Variants in PDE1A observed in about 807,000 individuals in gnomAD.
The protein encoded by PDE1A is phosphodiesterase 1A, also known as dual specificity calcium/calmodulin-dependent 3',5'-cyclic nucleotide phosphodiesterase 1A.
A neutral mutation model predicts 61.7 loss-of-function variants in PDE1A; 35 were observed. That is an observed-to-expected ratio of 0.57 (90% CI 0.43 to 0.75). The LOEUF (loss-of-function observed/expected upper bound fraction) is 0.75, where lower values mean the gene tolerates loss of function less well. Ranked by LOEUF, PDE1A falls within the 30% of genes least tolerant of loss-of-function variation. The pLI is 0.00. For synonymous variants in PDE1A, 232 were observed against 213.2 expected, an observed-to-expected ratio of 1.09 and a Z score of -0.77; for missense variants, 597 against 630.6, an observed-to-expected ratio of 0.95 and a Z score of 0.57.
chr2:182,596,576 G>T, the PDE1A span, among the ~76,000 whole-genome samples: 1 of 152,148 alleles, frequency 6.6e-6, no homozygotes, highest in African/African-American at 2.4e-5. Context: ...TATTCACTAT[G>T]TGCAGGTAAC....
At chr2:182,674,771 T>C in the PDE1A span, among the ~76,000 whole-genome samples, 2 of 152,084 alleles carry the variant, frequency 1.3e-5, no homozygotes, top group East Asian at 1.9e-4. Flanking sequence ...TACTTTCTAC[T>C]TACCTTTCTT....
chr2:182,680,181 T>C, the PDE1A span, among the ~76,000 whole-genome samples: 1 of 151,858 alleles, frequency 6.6e-6, no homozygotes, highest in Non-Finnish European at 1.5e-5. Flanking sequence ...CCACAGGGCA[T>C]ATAGGGGTCA....
intron 2 of PDE1A, among the ~76,000 whole-genome samples, chr2:182,247,212 A>C (rs1441778324): frequency 1.3e-5 from 2 of 152,120 alleles, no homozygotes; most frequent in Non-Finnish European, 2.9e-5. Context: ...GAAAAAAAAA[A>C]CTAAACATTT....
chr2:182,330,693 C>G (rs1205611219), intron 1 of PDE1A, among the ~76,000 whole-genome samples: 1 of 152,092 alleles, frequency 6.6e-6, no homozygotes, highest in Non-Finnish European at 1.5e-5. Flanking sequence ...AGGGGTCTCT[C>G]AAAAGGTCAG....
Position 182,322,996 on chromosome 2 carries a change from T to C in PDE1A, c.54-58582A>G, listed in dbSNP as rs572065170. 9.2e-5 allele frequency among the ~76,000 whole-genome samples: 14 copies of C among 152,308 alleles called. No homozygotes were observed. In the East Asian group the frequency reaches 2.7e-3, roughly 29 times the overall value. ...GAGTTCTTATCTGAATGTTTTAGAA[T>C]ACTCAATATTCTGAGTGTTATACAT... On this transcript the variant is annotated intron_variant, in intron 1 of 13. Coordinates refer to ENST00000351439, the Ensembl canonical transcript of PDE1A.
At chr2:182,187,810 T>C (rs994459288) in intron 11 of PDE1A, among the ~76,000 whole-genome samples, 3 of 136,864 alleles carry the variant, frequency 2.2e-5, no homozygotes, top group Non-Finnish European at 4.6e-5. Context: ...AGTGGTGCAA[T>C]CTCGGCTCAC....
intron 2 of PDE1A, among the ~76,000 whole-genome samples, chr2:182,494,042 T>C (rs2125892393): frequency 6.6e-6 from 1 of 152,330 alleles, no homozygotes; most frequent in Middle Eastern, 3.4e-3. Flanking sequence ...GTTCCTTAAT[T>C]TGGTGGCTTT....
chr2:182,167,211 C>A (rs1691695541), downstream of PDE1A, among the ~76,000 whole-genome samples: 1 of 152,030 alleles, frequency 6.6e-6, no homozygotes, highest in Non-Finnish European at 1.5e-5. Flanking sequence ...TGGTAAACTC[C>A]CTAACAATAG....
intron 8 of PDE1A, among the ~76,000 whole-genome samples, chr2:182,204,974 T>G (rs1686975979): frequency 6.6e-6 from 1 of 152,236 alleles, no homozygotes; most frequent in Non-Finnish European, 1.5e-5. Flanking sequence ...ACAGGAGATT[T>G]AGGCTTATTT....
At chr2:182,327,244 T>G (rs1325841039) in intron 1 of PDE1A, among the ~76,000 whole-genome samples, 1 of 152,174 alleles carries the variant, frequency 6.6e-6, no homozygotes, top group Non-Finnish European at 1.5e-5. Context: ...AGAGAGGGAA[T>G]GACTGGTTGG....
intron 1 of PDE1A, among the ~76,000 whole-genome samples, chr2:182,309,443 C>T (rs571546836): frequency 3.3e-5 from 5 of 152,076 alleles, no homozygotes; most frequent in African/African-American, 9.6e-5. Context: ...TAAAATGTGG[C>T]ACCTAGAAAA....
At chr2:182,440,417 T>C (rs1390774889) in intron 2 of PDE1A, among the ~76,000 whole-genome samples, 2 of 152,046 alleles carry the variant, frequency 1.3e-5, no homozygotes, top group Non-Finnish European at 2.9e-5. Flanking sequence ...GGCAGACCAA[T>C]GGGATGCTAC....
chr2:182,375,759 G>A (rs548436400), intron 1 of PDE1A, among the ~76,000 whole-genome samples: 106 of 152,328 alleles, frequency 7.0e-4, no homozygotes, highest in African/African-American at 2.4e-3. Context: ...TTCTCCATGA[G>A]AGCCCCATCC....
the PDE1A span, among the ~76,000 whole-genome samples, chr2:182,700,740 A>AAAAAAAAAAAAAAAAAC: frequency 7.5e-6 from 1 of 134,188 alleles, no homozygotes; most frequent in African/African-American, 2.7e-5. Flanking sequence ...AAAAAAAAAA[A>AAAAAAAAAAAAAAAAAC]CAGAAAGAAA....
At chr2:182,357,380 T>G (rs1699254251) in intron 1 of PDE1A, among the ~76,000 whole-genome samples, 1 of 152,108 alleles carries the variant, frequency 6.6e-6, no homozygotes, top group Non-Finnish European at 1.5e-5. Flanking sequence ...CATCAATATT[T>G]TCAACCATCT....
At chr2:182,234,901 A>G (rs1689884448) in intron 3 of PDE1A, among the ~76,000 whole-genome samples, 1 of 152,210 alleles carries the variant, frequency 6.6e-6, no homozygotes, top group Non-Finnish European at 1.5e-5. Context: ...AATGTCATTA[A>G]AATATTTCCT....
Position 182,204,998 on chromosome 2 carries a change from T to TTATC in PDE1A, c.902+938_902+941dup, listed in dbSNP as rs1686980256. Among the ~76,000 whole-genome samples the TTATC allele has an allele frequency of 2.0e-5, 3 of 152,230 alleles. No individual in the cohort carries two copies. The South Asian group carries it at 6.2e-4, about 31-fold the overall frequency. ...TTAGGCTTATTTTAAACTCTGATTT[T>TTATC]TATCTTTTACGTTTTTTAATGTTTT... On this transcript the variant is annotated intron_variant, in intron 8 of 13. Transcript: ENST00000351439.
At chr2:182,687,702 GAGA>G in the PDE1A span, among the ~76,000 whole-genome samples, 132 of 152,294 alleles carry the variant, frequency 8.7e-4, no homozygotes, top group African/African-American at 3.0e-3. Context: ...GATGAGTTGA[GAGA>G]AGAAGGTTTC....
At chr2:182,440,976 A>T (rs1406375216) in intron 2 of PDE1A, among the ~76,000 whole-genome samples, 2 of 152,060 alleles carry the variant, frequency 1.3e-5, no homozygotes, top group Non-Finnish European at 1.5e-5. Context: ...TTCTCATGCT[A>T]CTAATAAAGA....
Sources: allele counts gnomAD v4.1 joint callset (sites outside exome capture counted in the v4.1 genomes callset), GRCh38; gene constraint gnomAD v4.1.1; transcripts MANE v1.5; gene names NCBI Gene and HGNC (gene_info 2026-07-23, HGNC 2026-07-21).